The following PRR36 variants were observed in gnomAD, a reference collection of about 807,000 sequenced individuals.
PRR36 encodes proline-rich protein 36.
Under a neutral mutation model 58.6 loss-of-function variants are expected in PRR36, and 30 were observed. The ratio of observed to expected loss-of-function variants is 0.51; its 90% CI spans 0.38 to 0.69. The LOEUF (loss-of-function observed/expected upper bound fraction) is 0.69. Among genes scored for constraint, PRR36 ranks in the 30% least tolerant of loss-of-function variants. The pLI is 0.00. For synonymous variants in PRR36, 771 were observed against 829.3 expected (o/e 0.93, Z 1.21); for missense variants, 1,692 against 1,805.6 (o/e 0.94, Z 1.14).
At position 7,872,549 on chromosome 19, in the gene PRR36, C is replaced by T; in HGVS notation, c.695G>A (p.Gly232Glu). 1 of 1,520,978 alleles carries T rather than the reference C, an allele frequency of 6.6e-7. No homozygotes were observed. The highest frequency in any genetic ancestry group is 8.8e-7 in the Non-Finnish European group (1 of 1,140,756). 94.2% of individuals were successfully genotyped at this position (1,520,978 alleles called of 1,614,324 possible). Residue 232 changes from glycine to glutamate, a missense_variant, in exon 5 of 6, where the codon GGG becomes GAG. Physicochemically the swap from Gly to Glu is moderately conservative, Grantham distance 98 (BLOSUM62 -2). Transcript: ENST00000618550. This position sits in a 1 kb window ranked among gnomAD's most constrained non-coding sequence, Gnocchi z 6.1. ...GCGCGAGGCCGGCCTCTGGAGACCC[C>T]CACCGGCGCTGGGCCGCCTCCTGGC... ...PAARRRPSAG[G>E]GLQRPASRSL... is the part of the protein sequence containing the mutation.
In PRR36 at chr19:7,869,014, G is replaced by T. The variant is rs1459811704; in HGVS notation, c.*19C>A. 5.4e-6 allele frequency: 8 copies of T among 1,492,074 alleles called. No homozygotes were observed. Among genetic ancestry groups the T allele is most frequent in the Non-Finnish European group, 7.1e-6 (8 of 1,123,156 alleles). 92.4% of individuals were successfully genotyped at this position (1,492,074 alleles called of 1,614,324 possible). ...CCTAAGGCAGGGGTGGGGTGTAGCA[G>T]GCGGGGCTGTGGTCTGGCTCAGTGG... On this transcript the variant is annotated 3_prime_UTR_variant, in exon 6 of 6. Transcript: ENST00000618550.
chr19:7,870,339 TTGGGGGAGAGGC>T lies in PRR36; in HGVS notation c.2893_2904del (p.Ala965_Pro968del). 1.7e-6 allele frequency: 1 copy of T among 575,640 alleles called. No homozygotes were observed. The highest frequency in any genetic ancestry group is 8.8e-5 in the South Asian group (1 of 11,350). The allele number at this position is 575,640 out of a possible 1,614,324, so 35.7% of individuals were successfully genotyped here. The stretch of plus-strand genomic sequence containing the variant: ...GGAGGGGGCGTGGCCGAAGGAGACA[TTGGGGGAGAGGC>T]AGGGGGAGAGGGTGGGACCTGCAGA... On this transcript the variant is annotated inframe_deletion, in exon 5 of 6. Transcript: ENST00000618550.
rs1980302283 is a variant in PRR36 at position 7,869,980 on chromosome 19, G to C, written c.3264C>G (p.Ser1088=). 3 of 1,396,062 alleles carry C rather than the reference G, an allele frequency of 2.1e-6. No homozygotes were observed. The highest frequency in any genetic ancestry group is 2.9e-5 in the East Asian group (1 of 33,960). 86.5% of individuals were successfully genotyped at this position (1,396,062 alleles called of 1,614,324 possible). The change falls in exon 5 of 6, where the codon TCC becomes TCG. Residue 1088 remains serine, a synonymous_variant. Coordinates refer to ENST00000618550, the MANE Select transcript of PRR36 (RefSeq NM_001190467.2). ...CCAGGGTCAGCCGTGGGCCCGAGAC[G>C]GAGGTATCCGGACCCGGGGTCGGGG... ...RRPPTPGPDT[S]VSGPRLTLAL...
chr19:7,869,449 CG>C lies in PRR36; in HGVS notation c.3624del (p.Ala1209ProfsTer53). ...YETEGPESAT[P>X]APGALDPGPS... is the part of the protein sequence containing the mutation. ...GGCCCCGGATCCAGTGCGCCAGGGG[CG>C]GGGGTCGCCGACTCGGGCCCTTCAG... On this transcript the variant is annotated frameshift_variant, in exon 6 of 6. Coordinates refer to ENST00000618550, the MANE Select transcript of PRR36 (RefSeq NM_001190467.2). LOFTEE classifies it low-confidence loss of function (END_TRUNC). 6.7e-7 allele frequency: 1 copy of C among 1,503,158 alleles called. No individual in the cohort carries two copies. Among genetic ancestry groups the C allele is most frequent in the East Asian group, 2.8e-5 (1 of 35,756 alleles). 93.1% of individuals were successfully genotyped at this position (1,503,158 alleles called of 1,614,324 possible). A position where few individuals can be genotyped will look rare whatever the true frequency, so the allele number is the denominator to read the frequency against.
Position 7,872,598 on chromosome 19 carries a change from T to A in PRR36, c.646A>T (p.Ser216Cys). ...RKSVSSASEHSTTEPSPAARR... is the reference protein window; with the variant it reads ...RKSVSSASEHCTTEPSPAARR... ...GCAGCCGGGCTTGGCTCGGTGGTAC[T>A]GTGCTCCGAGGCGCTGCTCACTGAT... Residue 216 changes from serine (S) to cysteine (C), a missense_variant, in exon 5 of 6, where the codon AGT becomes TGT. Coordinates refer to ENST00000618550, the MANE Select transcript of PRR36 (RefSeq NM_001190467.2). This position sits in a 1 kb window ranked among gnomAD's most constrained non-coding sequence, Gnocchi z 6.1. The A allele has an allele frequency of 6.6e-7, 1 of 1,517,276 alleles. No homozygotes were observed. The highest frequency in any genetic ancestry group is 1.2e-5 in the South Asian group (1 of 81,980). The allele number at this position is 1,517,276 out of a possible 1,614,324, so 94.0% of individuals were successfully genotyped here.
In PRR36 at chr19:7,873,379, G is replaced by A; in HGVS notation, c.271+40C>T. On this transcript the variant is annotated intron_variant, in intron 2 of 5. Transcript: ENST00000618550. This position sits in a 1 kb window ranked among gnomAD's most constrained non-coding sequence, Gnocchi z 5.0. ...GACTGGACAGGTATTGGAAGGGGGA[G>A]GGAAGATGGGGGCGGAGCTGAGGAA... is the stretch of plus-strand genomic sequence containing the variant. 6.6e-7 allele frequency: 1 copy of A among 1,517,102 alleles called. No homozygotes were observed. The highest frequency in any genetic ancestry group is 8.8e-7 in the Non-Finnish European group (1 of 1,135,136). 94.0% of individuals were successfully genotyped at this position (1,517,102 alleles called of 1,614,324 possible).
Position 7,871,411 on chromosome 19 carries a change from CAG to C in PRR36, c.1831_1832del (p.Leu611AlafsTer23). The C allele has an allele frequency of 6.5e-7, 1 of 1,535,472 alleles. No homozygotes were observed. The highest frequency in any genetic ancestry group is 8.7e-7 in the Non-Finnish European group (1 of 1,146,784). On this transcript the variant is annotated frameshift_variant, in exon 5 of 6. Coordinates refer to ENST00000618550, the MANE Select transcript of PRR36 (RefSeq NM_001190467.2). LOFTEE classifies it high-confidence loss of function. ...APPSPLALSSLQATTSLGSPT... is the reference protein window; with the variant it reads ...APPSPLALSSXQATTSLGSPT... The stretch of plus-strand genomic sequence containing the variant: ...GTGAGCCCAAAGAAGTTGTGGCCTG[CAG>C]AGAGGACAAAGCCAGAGGAGAGGGA...
chr19:7,869,943 CG>C lies in PRR36; in HGVS notation c.3300del (p.Gly1101AlafsTer14). The C allele has an allele frequency of 4.4e-6, 6 of 1,367,702 alleles. No homozygotes were observed. Among genetic ancestry groups the C allele is most frequent in the Non-Finnish European group, 5.6e-6 (6 of 1,068,384 alleles). 84.7% of individuals were successfully genotyped at this position (1,367,702 alleles called of 1,614,324 possible). On this transcript the variant is annotated frameshift_variant, in exon 5 of 6. Coordinates refer to ENST00000618550, the MANE Select transcript of PRR36 (RefSeq NM_001190467.2). LOFTEE classifies it high-confidence loss of function. The stretch of plus-strand genomic sequence containing the variant: ...CTGCGCGAGGGCGGCGGCGGCGGGC[CG>C]GGGGCCAACGCCAGGGTCAGCCGTG... ...SGPRLTLALA[P>X]GPPPPPSRSP...
At position 7,873,750 on chromosome 19, in the gene PRR36, A is replaced by G. The variant is rs1599591688; in HGVS notation, c.-7-54T>C. 4.0e-6 allele frequency: 6 copies of G among 1,489,428 alleles called. No homozygotes were observed. In the East Asian group the frequency reaches 1.2e-4, roughly 31 times the overall value. 92.3% of individuals were successfully genotyped at this position (1,489,428 alleles called of 1,614,324 possible). A position where few individuals can be genotyped will look rare whatever the true frequency, so the allele number is the denominator to read the frequency against. ...GGTTCTGGACAGCTACGCCGCCTCCAGAGACCTGGACCCTGCTACCTCACT... is the reference window on the plus strand; with the variant it reads ...GGTTCTGGACAGCTACGCCGCCTCCGGAGACCTGGACCCTGCTACCTCACT... On this transcript the variant is annotated intron_variant, in intron 1 of 5. Coordinates refer to ENST00000618550, the MANE Select transcript of PRR36 (RefSeq NM_001190467.2). This position sits in a 1 kb window ranked among gnomAD's most constrained non-coding sequence, Gnocchi z 5.0.
In PRR36 at chr19:7,872,891, C is replaced by T; in HGVS notation, c.445G>A (p.Glu149Lys). 6.5e-7 allele frequency: 1 copy of T among 1,536,110 alleles called. No individual in the cohort carries two copies. The highest frequency in any genetic ancestry group is 8.7e-7 in the Non-Finnish European group (1 of 1,146,882). ...CTGAGGGCACTCCTTTTGGGAGCCT[C>T]TGTAGCTTTTCCTCTGGCCACAGTT... ...EETVARGKATEAPKRSALSAG... is the reference protein window; with the variant it reads ...EETVARGKATKAPKRSALSAG... The change falls in exon 4 of 6, where the codon GAG becomes AAG. Residue 149 changes from glutamate to lysine, a missense_variant. Around this residue, in one of 5 missense-constraint regions of PRR36, gnomAD observed 975 missense variants for 955.2 expected, o/e 1.02. Coordinates refer to ENST00000618550, the MANE Select transcript of PRR36 (RefSeq NM_001190467.2). The surrounding 1 kb of genome is among the most constrained non-coding windows in gnomAD (Gnocchi z 6.1).
At position 7,870,144 on chromosome 19, in the gene PRR36, G is replaced by A. The variant is rs1599587827; in HGVS notation, c.3100C>T (p.Pro1034Ser). 2.1e-6 allele frequency: 3 copies of A among 1,449,098 alleles called. No homozygotes were observed. The highest frequency in any genetic ancestry group is 5.2e-5 in the Admixed American group (2 of 38,622). The allele number at this position is 1,449,098 out of a possible 1,614,324, so 89.8% of individuals were successfully genotyped here. A position where few individuals can be genotyped will look rare whatever the true frequency, so the allele number is the denominator to read the frequency against. ...SPPASFPGQA[P>S]FSPSASLPMS... ...GGGAGTGAGGCAGAGGGTGAGAAAG[G>A]GGCCTGCCCAGGGAATGAGGCAGGC... Residue 1034 changes from proline (P) to serine (S), a missense_variant, in exon 5 of 6, where the codon CCT becomes TCT. Pro to Ser is a moderately conservative substitution (Grantham distance 74, BLOSUM62 -1). Transcript: ENST00000618550.
Position 7,872,110 on chromosome 19 carries a change from AGAGG to A in PRR36, c.1130_1133del (p.Pro377LeufsTer25). ...GGAGGGTCTGCAGAGAAGGTGGAGCAGAGGGAGAAGGAGGGGCTAGAGGAAGGGG... is the reference window on the plus strand; with the variant it reads ...GGAGGGTCTGCAGAGAAGGTGGAGCAGAGAAGGAGGGGCTAGAGGAAGGGG... On this transcript the variant is annotated frameshift_variant, in exon 5 of 6. Coordinates refer to ENST00000618550, the MANE Select transcript of PRR36 (RefSeq NM_001190467.2). LOFTEE classifies it high-confidence loss of function. This position sits in a 1 kb window ranked among gnomAD's most constrained non-coding sequence, Gnocchi z 6.1. 2 of 1,527,986 alleles carry A rather than the reference AGAGG, an allele frequency of 1.3e-6. No homozygotes were observed. 94.7% of individuals were successfully genotyped at this position (1,527,986 alleles called of 1,614,324 possible).
chr19:7,868,972 T>C lies in PRR36; in HGVS notation c.*61A>G, dbSNP rs1306107286. The C allele has an allele frequency of 1.3e-5, 19 of 1,448,380 alleles. No individual in the cohort carries two copies. Among genetic ancestry groups the C allele is most frequent in the Non-Finnish European group, 9.1e-6 (10 of 1,100,958 alleles). 89.7% of individuals were successfully genotyped at this position (1,448,380 alleles called of 1,614,324 possible). On this transcript the variant is annotated 3_prime_UTR_variant, in exon 6 of 6. Transcript: ENST00000618550. ...GAGGCGGGGTCTAAAACAAACGGCG[T>C]ACCCGGAGGGGCGGATCCTAAGGCA...
In PRR36 at chr19:7,871,760, G is replaced by A. The variant is rs1220526402; in HGVS notation, c.1484C>T (p.Pro495Leu). 9.1e-6 allele frequency: 14 copies of A among 1,535,870 alleles called. No homozygotes were observed. The highest frequency in any genetic ancestry group is 1.2e-5 in the Non-Finnish European group (14 of 1,146,870). ...PQPGLSALTT[P>L]PPQASPSPSP... ...CGGGGAAGGACTGGCCTGCGGAGGG[G>A]GCGTGGTCAGAGCAGAAAGGCCTGG... is the stretch of plus-strand genomic sequence containing the variant. Residue 495 changes from proline to leucine, a missense_variant, in exon 5 of 6, where the codon CCC becomes CTC. Pro to Leu is a moderately conservative substitution (Grantham distance 98, BLOSUM62 -3). Coordinates refer to ENST00000618550, the MANE Select transcript of PRR36 (RefSeq NM_001190467.2).
rs1416739409 is a variant in PRR36, at chr19:7,869,794, G to A, written c.3450C>T (p.Pro1150=). Residue 1150 remains proline, a synonymous_variant, in exon 5 of 6, where the codon CCC becomes CCT. Coordinates refer to ENST00000618550, the MANE Select transcript of PRR36 (RefSeq NM_001190467.2). Reference sequence around the variant, plus strand: ...GGTGGCAAGCGGCGAGCTCTGCGTCGGGGGGCGGGGAGGCTGCGGCACCGC... The same window carrying A: ...GGTGGCAAGCGGCGAGCTCTGCGTCAGGGGGCGGGGAGGCTGCGGCACCGC... The part of the protein sequence containing the change: ...PEGGAAASPP[P]DAELAACHPA... The A allele has an allele frequency of 3.0e-6, 4 of 1,354,856 alleles. No homozygotes were observed. Among genetic ancestry groups the A allele is most frequent in the Non-Finnish European group, 3.8e-6 (4 of 1,060,174 alleles). 83.9% of individuals were successfully genotyped at this position (1,354,856 alleles called of 1,614,324 possible).
Position 7,873,177 on chromosome 19 carries a change from G to T in PRR36, c.374+20C>A, listed in dbSNP as rs754428116. 1.4e-4 allele frequency: 222 copies of T among 1,532,326 alleles called. 1 individual carries two copies. The East Asian group carries it at 4.3e-3, about 30-fold the overall frequency. 94.9% of individuals were successfully genotyped at this position (1,532,326 alleles called of 1,614,324 possible). ...ACGCTAACCCTGGCTTAGGAGACTG[G>T]GGGAGAGGGAGCAGGTTACCTGGTG... On this transcript the variant is annotated intron_variant, in intron 3 of 5. Transcript: ENST00000618550. This position sits in a 1 kb window ranked among gnomAD's most constrained non-coding sequence, Gnocchi z 5.0.
In PRR36 at chr19:7,873,526, C is replaced by G; in HGVS notation, c.164G>C (p.Arg55Pro). ...RVLGAAGAVG[R>P]KPLAERAGGI... is the part of the protein sequence containing the mutation. ...CCCCGCTCGCTCTGCCAGAGGCTTTCGCCCCACTGCTCCCGCAGCTCCCAG... is the reference window on the plus strand; with the variant it reads ...CCCCGCTCGCTCTGCCAGAGGCTTTGGCCCCACTGCTCCCGCAGCTCCCAG... The change falls in exon 2 of 6, where the codon CGA becomes CCA. Residue 55 changes from arginine to proline, a missense_variant. Coordinates refer to ENST00000618550, the MANE Select transcript of PRR36 (RefSeq NM_001190467.2). The surrounding 1 kb of genome is among the most constrained non-coding windows in gnomAD (Gnocchi z 5.0). The G allele has an allele frequency of 2.0e-6, 3 of 1,535,288 alleles. No individual in the cohort carries two copies. Among genetic ancestry groups the G allele is most frequent in the Non-Finnish European group, 2.6e-6 (3 of 1,146,794 alleles).
In PRR36 at chr19:7,872,632, G is replaced by T; in HGVS notation, c.612C>A (p.Gly204=). 6.7e-7 allele frequency: 1 copy of T among 1,491,012 alleles called. No individual in the cohort carries two copies. Among genetic ancestry groups the T allele is most frequent in the Non-Finnish European group, 8.9e-7 (1 of 1,126,228 alleles). The allele number at this position is 1,491,012 out of a possible 1,614,324, so 92.4% of individuals were successfully genotyped here. The change falls in exon 5 of 6, where the codon GGC becomes GGA. Residue 204 remains glycine (G), a synonymous_variant. Coordinates refer to ENST00000618550, the MANE Select transcript of PRR36 (RefSeq NM_001190467.2). The surrounding 1 kb of genome is among the most constrained non-coding windows in gnomAD (Gnocchi z 6.1). ...PSARPRPPTE[G]PRKSVSSASE... is the part of the protein sequence containing the mutation. ...AGGCGCTGCTCACTGATTTCCGGGG[G>T]CCCTCTGTCGGGGGCCGTGGCCGGG...
In PRR36 at chr19:7,870,628, T is replaced by C. The variant is rs1310492557; in HGVS notation, c.2616A>G (p.Pro872=). 27 of 1,041,654 alleles carry C rather than the reference T, an allele frequency of 2.6e-5. No homozygotes were observed. Among genetic ancestry groups the C allele is most frequent in the Non-Finnish European group, 2.8e-5 (24 of 871,828 alleles). The allele number at this position is 1,041,654 out of a possible 1,614,324, so 64.5% of individuals were successfully genotyped here. The change falls in exon 5 of 6, where the codon CCA becomes CCG. Residue 872 remains proline, a synonymous_variant. Transcript: ENST00000618550. ...GCACTGCCAGAGCATTTGGGGCCTGTGGAGAGGGTGTGGCCAAAGGAGACA... is the reference window on the plus strand; with the variant it reads ...GCACTGCCAGAGCATTTGGGGCCTGCGGAGAGGGTGTGGCCAAAGGAGACA... ...PPLSPLATPS[P]QAPNALAVHL... is the part of the protein sequence containing the mutation.
Sources: gnomAD v4.1 joint callset for allele counts on GRCh38, gnomAD v4.1.1 for gene constraint, gnomAD v4.1.1 regional missense constraint, Gnocchi (gnomAD v3.1) non-coding constraint, MANE v1.5 for transcripts, NCBI Gene and HGNC (gene_info 2026-07-23, HGNC 2026-07-21) for gene names.